The following FCHSD2 variants were observed in gnomAD, a reference collection of about 807,000 sequenced individuals.
FCHSD2 encodes the protein F-BAR and double SH3 domains protein 2.
A neutral mutation model predicts 108.1 loss-of-function variants in FCHSD2; 38 were observed. That is an observed-to-expected ratio of 0.35 (90% confidence interval 0.27 to 0.46). The LOEUF is 0.46. Among genes scored for constraint, FCHSD2 ranks in the 20% least tolerant of loss-of-function variants. The pLI is 1.00. For missense variants in FCHSD2, 751 were observed against 897.8 expected (o/e 0.84, Z 2.09); for synonymous variants, 279 against 314.7 (o/e 0.89, Z 1.20).
chr11:72,842,192 T>TG (rs1860977490), intron 17 of FCHSD2, among the ~76,000 whole-genome samples: 1 of 152,186 alleles, frequency 6.6e-6, no homozygotes, highest in Non-Finnish European at 1.5e-5. Flanking sequence ...GGCAGGCTCA[T>TG]TAATTCTCTG....
At chr11:72,909,401 G>A (rs967434554) in intron 9 of FCHSD2, among the ~76,000 whole-genome samples, 4 of 152,090 alleles carry the variant, frequency 2.6e-5, no homozygotes, top group African/African-American at 9.7e-5. Flanking sequence ...CCACCTCCCA[G>A]CTGCCTGCCT....
chr11:73,086,979 C>A (rs1052663943), intron 2 of FCHSD2, among the ~76,000 whole-genome samples: 3 of 152,056 alleles, frequency 2.0e-5, no homozygotes, highest in Non-Finnish European at 4.4e-5. Context: ...TGTATGATTC[C>A]AATTATATGA....
At chr11:72,849,074 G>A (rs997104185) in intron 14 of FCHSD2, among the ~76,000 whole-genome samples, 2 of 152,220 alleles carry the variant, frequency 1.3e-5, no homozygotes, top group Non-Finnish European at 2.9e-5. Context: ...GCTACACAGG[G>A]ATGTGGCGGA....
At chr11:73,054,271 A>G (rs1291771274) in intron 3 of FCHSD2, among the ~76,000 whole-genome samples, 2 of 152,254 alleles carry the variant, frequency 1.3e-5, no homozygotes, top group South Asian at 4.1e-4. Flanking sequence ...GTTGAACATA[A>G]CCCACTGGAA....
intron 13 of FCHSD2, among the ~76,000 whole-genome samples, chr11:72,861,872 G>A (rs907169634): frequency 1.1e-4 from 17 of 151,094 alleles, no homozygotes; most frequent in Non-Finnish European, 1.8e-4. Flanking sequence ...TGGAGGTTGC[G>A]GTGAGCTGAG....
chr11:72,989,121 A>T (rs778206060), intron 5 of FCHSD2, 24 bp from the exon 6 acceptor site: 1 of 1,583,918 alleles, frequency 6.3e-7, no homozygotes, highest in Non-Finnish European at 8.6e-7. Context: ...AAGTACAATC[A>T]TTATGATTTT....
At chr11:72,989,725 A>G (rs1857375245) in intron 5 of FCHSD2, among the ~76,000 whole-genome samples, 1 of 152,214 alleles carries the variant, frequency 6.6e-6, no homozygotes. Context: ...ATTAACTCTT[A>G]TAACACACCG....
intron 8 of FCHSD2, among the ~76,000 whole-genome samples, chr11:72,969,130 C>T (rs1040036421): frequency 1.3e-5 from 2 of 152,202 alleles, no homozygotes; most frequent in Non-Finnish European, 2.9e-5. Context: ...GTCTCCTCCT[C>T]ATTGTCAGCA....
intron 8 of FCHSD2, among the ~76,000 whole-genome samples, chr11:72,977,749 T>C (rs557260895): frequency 6.6e-5 from 10 of 152,278 alleles, no homozygotes; most frequent in African/African-American, 2.2e-4. Context: ...AGTTCAACCA[T>C]TGGGGCGATT....
intron 5 of FCHSD2, among the ~76,000 whole-genome samples, chr11:72,999,985 C>T (rs1857595391): frequency 1.3e-5 from 2 of 152,020 alleles, no homozygotes; most frequent in South Asian, 4.2e-4. Flanking sequence ...TATTTTTTGG[C>T]AAAGATAAAA....
chr11:72,951,734 C>CA (rs1377132789), intron 8 of FCHSD2, among the ~76,000 whole-genome samples: 1 of 152,118 alleles, frequency 6.6e-6, no homozygotes, highest in African/African-American at 2.4e-5. Context: ...CTAAGAGTCT[C>CA]AATGTCATGA....
intron 5 of FCHSD2, among the ~76,000 whole-genome samples, chr11:72,997,939 C>A (rs1857551499): frequency 6.6e-6 from 1 of 152,082 alleles, no homozygotes; most frequent in South Asian, 2.1e-4. Flanking sequence ...ATGATCTTTC[C>A]ACCTTGGCCT....
At chr11:72,907,606 T>TTA (rs1380465766) in intron 9 of FCHSD2, among the ~76,000 whole-genome samples, 1 of 147,348 alleles carries the variant, frequency 6.8e-6, no homozygotes, top group Non-Finnish European at 1.5e-5. Context: ...TGGGTTTTTT[T>TTA]TTTTTTTTTT....
At chr11:72,897,928 G>T (rs931085345) in intron 10 of FCHSD2, among the ~76,000 whole-genome samples, 1 of 152,142 alleles carries the variant, frequency 6.6e-6, no homozygotes, top group Non-Finnish European at 1.5e-5. Context: ...TGGCTTTCTG[G>T]TATCATCTGA....
intron 8 of FCHSD2, among the ~76,000 whole-genome samples, chr11:72,956,889 AGG>A (rs1856721338): frequency 2.0e-5 from 3 of 151,878 alleles, no homozygotes; most frequent in Admixed American, 6.6e-5. Context: ...TAATATCACC[AGG>A]GGTGAGACAG....
rs1855221805 is a variant in FCHSD2, at chr11:72,887,492, C to G, written c.1124G>C (p.Arg375Thr). ...AELEQKIDEA[R>T]ENIRKAEIIK... ...TACCTCTGCTTTACGAATATTTTCT[C>G]TAGCTTCATCTATTTTCTGTTCTAG... Residue 375 changes from arginine to threonine, a missense_variant, in exon 12 of 20, where the codon AGA (arginine) becomes ACA (threonine). Coordinates refer to ENST00000409418, the MANE Select transcript of FCHSD2 (RefSeq NM_014824.3). The G allele has an allele frequency of 6.2e-7, 1 of 1,605,568 alleles. No homozygotes were observed. The highest frequency in any genetic ancestry group is 8.5e-7 in the Non-Finnish European group (1 of 1,176,530).
chr11:72,969,830 G>A (rs1383616518), intron 8 of FCHSD2, among the ~76,000 whole-genome samples: 5 of 152,152 alleles, frequency 3.3e-5, no homozygotes, highest in Non-Finnish European at 7.3e-5. Context: ...ATTGGATGAA[G>A]TTTAAACACA....
intron 12 of FCHSD2, among the ~76,000 whole-genome samples, chr11:72,882,050 C>A (rs778261573): frequency 6.6e-6 from 1 of 152,008 alleles, no homozygotes; most frequent in African/African-American, 2.4e-5. Flanking sequence ...GAGGCTGAGG[C>A]GGGAGAATGG....
chr11:72,942,178 A>G (rs992042610), intron 8 of FCHSD2, among the ~76,000 whole-genome samples: 1 of 152,166 alleles, frequency 6.6e-6, no homozygotes, highest in African/African-American at 2.4e-5. Flanking sequence ...TTCTCACTCT[A>G]TAAGTTCACA....
Sources: gnomAD v4.1 joint callset for allele counts (sites outside exome capture counted in the v4.1 genomes callset) on GRCh38, gnomAD v4.1.1 for gene constraint, MANE v1.5 for transcripts, NCBI Gene and HGNC (gene_info 2026-07-23, HGNC 2026-07-21) for gene names.